Variants in ACTR5 observed in about 807,000 individuals in gnomAD.
ACTR5 encodes the protein actin related protein 5.
ACTR5 carries 43 observed loss-of-function variants against 61.2 expected under a neutral mutation model. The ratio of observed to expected loss-of-function variants is 0.70; its 90% CI spans 0.55 to 0.91. ACTR5 has a LOEUF of 0.91. ACTR5 is among the 40% of genes least tolerant of loss of function. The pLI is 0.00. For missense variants in ACTR5, 798 were observed against 782.2 expected, an observed-to-expected ratio of 1.02 and a Z score of -0.24; for synonymous variants, 333 against 310.5, an observed-to-expected ratio of 1.07 and a Z score of -0.76.
At chr20:38,752,323 G>C in intron 3 of ACTR5, 23 bp downstream of exon 3, 1 of 1,574,438 alleles carries the variant, frequency 6.4e-7, no homozygotes, top group South Asian at 1.1e-5. Context: ...ATGTTTGCCT[G>C]CAGCTTTTGG....
At position 38,755,024 on chromosome 20, in the gene ACTR5, CA is replaced by C; in HGVS notation, c.844del (p.Ser282AlafsTer8). The C allele has an allele frequency of 6.2e-7, 1 of 1,614,246 alleles. No homozygotes were observed. The highest frequency in any genetic ancestry group is 8.5e-7 in the Non-Finnish European group (1 of 1,180,048). On this transcript the variant is annotated frameshift_variant, in exon 4 of 9. Transcript: ENST00000243903. LOFTEE classifies it high-confidence loss of function. ...TCCACAAGATGCAGCTCCCATTTTC[CA>C]GCAAGCTCCTGGGCAGCACTCTGAC... ...NVHKMQLPFS[S>X]KLLGSTLTSE...
intron 7 of ACTR5, among the ~76,000 whole-genome samples, chr20:38,766,695 T>G (rs1471633841): frequency 6.6e-6 from 1 of 152,258 alleles, no homozygotes; most frequent in Non-Finnish European, 1.5e-5. Flanking sequence ...GACTAGTGAT[T>G]TTAAATCACC....
chr20:38,765,619 T>C lies in ACTR5; in HGVS notation c.1293+101T>C, dbSNP rs2084481795. On this transcript the variant is annotated intron_variant, in intron 6 of 8. Transcript: ENST00000243903. ...TAGGACTTAAAACTGTTATGTTTTT[T>C]AGAAAATTGGGTACCAATACTTAAA... is the stretch of plus-strand genomic sequence containing the variant. 1.8e-5 allele frequency: 17 copies of C among 968,700 alleles called. No individual in the cohort carries two copies. In the East Asian group the frequency reaches 4.2e-4, roughly 24 times the overall value. The allele number at this position is 968,700 out of a possible 1,614,324, so 60.0% of individuals were successfully genotyped here.
At chr20:38,749,387 A>G (rs1255957497) in intron 1 of ACTR5, among the ~76,000 whole-genome samples, 3 of 152,214 alleles carry the variant, frequency 2.0e-5, no homozygotes, top group Admixed American at 1.3e-4. Context: ...CGGTCCAGGC[A>G]GAGGGAGCAG....
chr20:38,760,519 C>T (rs2084447187), intron 5 of ACTR5, among the ~76,000 whole-genome samples: 2 of 152,164 alleles, frequency 1.3e-5, no homozygotes. Context: ...ATCTCGCTGC[C>T]ATTTGCAAGC....
At chr20:38,758,204 G>A (rs2084431617) in intron 5 of ACTR5, among the ~76,000 whole-genome samples, 1 of 152,138 alleles carries the variant, frequency 6.6e-6, no homozygotes, top group South Asian at 2.1e-4. Context: ...TACATGATGT[G>A]ATTCATCACC....
At chr20:38,763,716 A>G (rs1165378999) in intron 5 of ACTR5, among the ~76,000 whole-genome samples, 3 of 152,154 alleles carry the variant, frequency 2.0e-5, no homozygotes, top group African/African-American at 7.2e-5. Context: ...CCCATCAAAT[A>G]CAGTAATGTC....
rs368659646 is a variant in ACTR5 at position 38,755,149 on chromosome 20, G to A, written c.968G>A (p.Arg323His). 1.4e-4 allele frequency: 227 copies of A among 1,612,674 alleles called. No homozygotes were observed. Among genetic ancestry groups the A allele is most frequent in the Non-Finnish European group, 1.8e-4 (212 of 1,179,438 alleles). The change falls in exon 4 of 9, where the codon CGT (arginine) becomes CAT (histidine). Residue 323 changes from arginine (R) to histidine (H), a missense_variant. Coordinates refer to ENST00000243903, the MANE Select transcript of ACTR5 (RefSeq NM_024855.4). ...GAGAAGCTGCAGCTGGATCAGGAGC[G>A]TCTGGACCGACTGCTATATGTGCAG... ...REEKLQLDQE[R>H]LDRLLYVQEL...
chr20:38,756,789 A>G (rs1487126230), intron 5 of ACTR5, among the ~76,000 whole-genome samples: 3 of 152,360 alleles, frequency 2.0e-5, no homozygotes, highest in African/African-American at 7.2e-5. Flanking sequence ...CTGTGATCCC[A>G]GCTACTTGGG....
intron 5 of ACTR5, among the ~76,000 whole-genome samples, chr20:38,764,503 A>G (rs1050123671): frequency 1.3e-5 from 2 of 152,200 alleles, no homozygotes; most frequent in Non-Finnish European, 2.9e-5. Flanking sequence ...AAATGGTGCC[A>G]GCATGTCTAG....
intron 3 of ACTR5, among the ~76,000 whole-genome samples, chr20:38,754,256 G>GT (rs2084404414): frequency 1.3e-5 from 2 of 152,148 alleles, no homozygotes; most frequent in Non-Finnish European, 2.9e-5. Context: ...TCCTTCTGGT[G>GT]TTGTTTCTCG....
At chr20:38,769,271 C>G (rs1483158994) in intron 8 of ACTR5, among the ~76,000 whole-genome samples, 1 of 152,178 alleles carries the variant, frequency 6.6e-6, no homozygotes, top group South Asian at 2.1e-4. Flanking sequence ...TCCCTATGTT[C>G]CTTACAAGAT....
chr20:38,767,313 A>G (rs2084492496), intron 7 of ACTR5, 151 bp from the exon 8 acceptor site: 1 of 715,626 alleles, frequency 1.4e-6, no homozygotes, highest in Non-Finnish European at 2.0e-6. Flanking sequence ...TTGTAGAGAC[A>G]CAAATGAAAA....
intron 5 of ACTR5, among the ~76,000 whole-genome samples, chr20:38,758,340 A>G (rs2084432548): frequency 1.3e-5 from 2 of 152,114 alleles, no homozygotes; most frequent in South Asian, 4.1e-4. Flanking sequence ...ATTTTTCTAT[A>G]TGCAACAAAT....
chr20:38,749,841 G>A (rs1424212730), intron 1 of ACTR5, among the ~76,000 whole-genome samples, 169 bp from the exon 2 acceptor site: 1 of 152,186 alleles, frequency 6.6e-6, no homozygotes, highest in African/African-American at 2.4e-5. Flanking sequence ...CTCTACTTTC[G>A]TATTTTCAAG....
intron 5 of ACTR5, among the ~76,000 whole-genome samples, chr20:38,758,222 C>T (rs1006096591): frequency 6.6e-6 from 1 of 152,158 alleles, no homozygotes; most frequent in Non-Finnish European, 1.5e-5. Flanking sequence ...ACCCATTCCC[C>T]CATTCTTTCA....
chr20:38,757,163 G>C (rs1238588829), intron 5 of ACTR5, among the ~76,000 whole-genome samples: 1 of 152,044 alleles, frequency 6.6e-6, no homozygotes. Flanking sequence ...CTGGCCTCAA[G>C]TGAACCTCCC....
chr20:38,755,006 G>A lies in ACTR5; in HGVS notation c.825G>A (p.Lys275=). The change falls in exon 4 of 9, where the codon AAG becomes AAA. Residue 275 remains lysine, a synonymous_variant. Coordinates refer to ENST00000243903, the MANE Select transcript of ACTR5 (RefSeq NM_024855.4). ...ATTATTATGAGAATAATGTCCACAAGATGCAGCTCCCATTTTCCAGCAAGC... is the reference window on the plus strand; with the variant it reads ...ATTATTATGAGAATAATGTCCACAAAATGCAGCTCCCATTTTCCAGCAAGC... ...CPDYYENNVH[K]MQLPFSSKLL... is the part of the protein sequence containing the mutation. 6.2e-7 allele frequency: 1 copy of A among 1,614,248 alleles called. No individual in the cohort carries two copies. Among genetic ancestry groups the A allele is most frequent in the South Asian group, 1.1e-5 (1 of 91,084 alleles).
At chr20:38,770,539 T>C (rs2084513643) in intron 8 of ACTR5, among the ~76,000 whole-genome samples, 1 of 152,226 alleles carries the variant, frequency 6.6e-6, no homozygotes, top group South Asian at 2.1e-4. Context: ...TTTATATCAA[T>C]AGGTACATTT....
Sources: allele counts gnomAD v4.1 joint callset (sites outside exome capture counted in the v4.1 genomes callset), GRCh38; gene constraint gnomAD v4.1.1; transcripts MANE v1.5; gene names NCBI Gene and HGNC (gene_info 2026-07-23, HGNC 2026-07-21).